The following PLPPR1 variants were observed in gnomAD, a reference collection of about 807,000 sequenced individuals.
PLPPR1 encodes phospholipid phosphatase related 1, also known as phospholipid phosphatase-related protein type 1.
PLPPR1 carries 10 observed loss-of-function variants against 33.1 expected under a neutral mutation model. The observed-to-expected ratio is 0.30, with a 90% CI of 0.19 to 0.51. The LOEUF is 0.51. Among genes scored for constraint, PLPPR1 ranks in the 20% least tolerant of loss-of-function variants. The pLI, the probability that PLPPR1 is intolerant of heterozygous loss-of-function variation, is 0.97. For missense variants in PLPPR1, 304 were observed against 408.1 expected, an observed-to-expected ratio of 0.74 and a Z score of 2.20; for synonymous variants, 151 against 151.0, an observed-to-expected ratio of 1.00 and a Z score of 0.00.
chr9:101,291,739 T>G (rs1257085109), intron 4 of PLPPR1, among the ~76,000 whole-genome samples: 1 of 152,148 alleles, frequency 6.6e-6, no homozygotes, highest in East Asian at 1.9e-4. Context: ...TCCTGTCTGT[T>G]AGAAGGAAAA....
chr9:101,319,905 A>G (rs2118971279), intron 7 of PLPPR1, among the ~76,000 whole-genome samples: 1 of 152,270 alleles, frequency 6.6e-6, no homozygotes, highest in African/African-American at 2.4e-5. Flanking sequence ...CTGATATAAG[A>G]ACACCCCTTT....
intron 1 of PLPPR1, among the ~76,000 whole-genome samples, chr9:101,042,764 A>G (rs1356724177): frequency 2.6e-5 from 4 of 152,228 alleles, no homozygotes; most frequent in Non-Finnish European, 4.4e-5. Context: ...GAATGATTTA[A>G]ACATTTTTAA....
chr9:101,299,809 C>CT (rs1479871026), intron 4 of PLPPR1, among the ~76,000 whole-genome samples: 3 of 152,162 alleles, frequency 2.0e-5, no homozygotes, highest in African/African-American at 7.2e-5. Context: ...CCAGATAATT[C>CT]TTTTTTTGTG....
chr9:101,256,456 C>A (rs950042130), intron 2 of PLPPR1, among the ~76,000 whole-genome samples: 2 of 152,014 alleles, frequency 1.3e-5, no homozygotes, highest in African/African-American at 2.4e-5. Flanking sequence ...TTGAGGAGCT[C>A]CAAGCCATAT....
At chr9:101,236,380 C>T (rs1251191381) in intron 2 of PLPPR1, among the ~76,000 whole-genome samples, 1 of 151,700 alleles carries the variant, frequency 6.6e-6, no homozygotes, top group Non-Finnish European at 1.5e-5. Context: ...GGAATCACAT[C>T]CTTCTCCTGG....
At chr9:101,293,441 C>T (rs1828558557) in intron 4 of PLPPR1, among the ~76,000 whole-genome samples, 1 of 151,976 alleles carries the variant, frequency 6.6e-6, no homozygotes, top group South Asian at 2.1e-4. Context: ...CTCAGCTCTG[C>T]ACCAAGCAGA....
chr9:101,151,731 A>G (rs1831589219), intron 1 of PLPPR1, among the ~76,000 whole-genome samples: 1 of 152,196 alleles, frequency 6.6e-6, no homozygotes, highest in African/African-American at 2.4e-5. Flanking sequence ...GTGCTAATTC[A>G]TGATCTTACC....
intron 2 of PLPPR1, among the ~76,000 whole-genome samples, 157 bp downstream of exon 2, chr9:101,185,714 T>C (rs1826192092): frequency 6.6e-6 from 1 of 151,896 alleles, no homozygotes; most frequent in Admixed American, 6.6e-5. Flanking sequence ...GCAAAGTGTT[T>C]CTTAAATAGG....
intron 1 of PLPPR1, among the ~76,000 whole-genome samples, chr9:101,065,356 A>G (rs745808986): frequency 1.3e-5 from 2 of 151,968 alleles, no homozygotes; most frequent in South Asian, 2.1e-4. Context: ...TGAATCGAGC[A>G]CTCACTTCCT....
At chr9:101,292,824 C>A (rs1371498989) in intron 4 of PLPPR1, among the ~76,000 whole-genome samples, 1 of 151,836 alleles carries the variant, frequency 6.6e-6, no homozygotes, top group Admixed American at 6.6e-5. Context: ...TGGAAAGGAA[C>A]AACCAGTACC....
At chr9:101,264,245 A>G (rs1827947787) in intron 2 of PLPPR1, among the ~76,000 whole-genome samples, 1 of 152,144 alleles carries the variant, frequency 6.6e-6, no homozygotes, top group African/African-American at 2.4e-5. Context: ...CAACCGTGTC[A>G]GTTCTTACCA....
At chr9:101,147,847 A>G (rs1316728558) in intron 1 of PLPPR1, among the ~76,000 whole-genome samples, 1 of 152,168 alleles carries the variant, frequency 6.6e-6, no homozygotes, top group Non-Finnish European at 1.5e-5. Context: ...GCCTAATGTC[A>G]CTTAGTAAGT....
intron 4 of PLPPR1, among the ~76,000 whole-genome samples, chr9:101,287,581 AC>A (rs1199137820): frequency 6.6e-6 from 1 of 152,114 alleles, no homozygotes; most frequent in African/African-American, 2.4e-5. Context: ...GCTCACTGCA[AC>A]CTCCGTCTGC....
intron 2 of PLPPR1, among the ~76,000 whole-genome samples, chr9:101,196,302 A>G (rs1268547225): frequency 6.6e-6 from 1 of 152,214 alleles, no homozygotes; most frequent in Non-Finnish European, 1.5e-5. Flanking sequence ...AGAGGATGAA[A>G]TATAAAATGG....
intron 1 of PLPPR1, among the ~76,000 whole-genome samples, chr9:101,178,892 T>C (rs1293368358): frequency 6.6e-6 from 1 of 152,196 alleles, no homozygotes; most frequent in African/African-American, 2.4e-5. Context: ...TTGCTTCCTG[T>C]TCCTGCGACA....
At chr9:101,179,866 A>T (rs1826072831) in intron 1 of PLPPR1, among the ~76,000 whole-genome samples, 1 of 151,878 alleles carries the variant, frequency 6.6e-6, no homozygotes, top group South Asian at 2.1e-4. Flanking sequence ...GGCACCATCT[A>T]ATCAGCTGCC....
At position 101,095,097 on chromosome 9, in the gene PLPPR1, A is replaced by G. The variant is rs532126795; in HGVS notation, c.-46+65995A>G. Among the ~76,000 whole-genome samples the G allele has an allele frequency of 7.9e-5, 12 of 152,248 alleles. No homozygotes were observed. The South Asian group carries it at 2.5e-3, about 32-fold the overall frequency. ...ATATAGTTGTCTATCCCTTTCTCAGATCTTCAAATTGTCTGTCCTGGAATG... is the reference window on the plus strand; with the variant it reads ...ATATAGTTGTCTATCCCTTTCTCAGGTCTTCAAATTGTCTGTCCTGGAATG... On this transcript the variant is annotated intron_variant, in intron 1 of 7. Coordinates refer to ENST00000374874, the MANE Select transcript of PLPPR1 (RefSeq NM_207299.2).
intron 1 of PLPPR1, among the ~76,000 whole-genome samples, chr9:101,041,405 G>A (rs1404418030): frequency 6.6e-6 from 1 of 152,098 alleles, no homozygotes. Flanking sequence ...AAGCAAATGC[G>A]ACACAGATTA....
intron 1 of PLPPR1, among the ~76,000 whole-genome samples, chr9:101,042,078 G>T (rs1331911958): frequency 1.3e-5 from 2 of 152,100 alleles, no homozygotes; most frequent in East Asian, 3.8e-4. Flanking sequence ...ACAGAGAGAA[G>T]AGAAATTTAA....
Sources: allele counts gnomAD v4.1 joint callset (sites outside exome capture counted in the v4.1 genomes callset), GRCh38; gene constraint gnomAD v4.1.1; transcripts MANE v1.5; gene names NCBI Gene and HGNC (gene_info 2026-07-23, HGNC 2026-07-21).